The following NDUFAF6 variants were observed in gnomAD, a reference collection of about 807,000 sequenced individuals.
NDUFAF6 encodes NADH:ubiquinone oxidoreductase complex assembly factor 6, also known as NADH dehydrogenase (ubiquinone) complex I, assembly factor 6.
Under a neutral mutation model 40.8 loss-of-function variants are expected in NDUFAF6, and 45 were observed. The ratio of observed to expected loss-of-function variants is 1.10; its 90% CI spans 0.87 to 1.42. The LOEUF (loss-of-function observed/expected upper bound fraction) is 1.42. Among genes scored for constraint, NDUFAF6 ranks in the 40% most tolerant of loss-of-function variants. The probability of loss-of-function intolerance (pLI) is 0.00; values close to 1 mark genes in which losing one functional copy is unlikely to be tolerated. For synonymous variants in NDUFAF6, 185 were observed against 155.9 expected (o/e 1.19, Z -1.39); for missense variants, 435 against 418.5 (o/e 1.04, Z -0.34).
intron 2 of NDUFAF6, among the ~76,000 whole-genome samples, chr8:94,985,878 C>CTT (rs781261737): frequency 3.7e-5 from 5 of 136,464 alleles, no homozygotes; most frequent in African/African-American, 1.3e-4. Context: ...TTCTTCCTTT[C>CTT]TTTTTTTTTT....
chr8:94,902,693 C>CTTTTTT (rs35185664), intron 1 of NDUFAF6, among the ~76,000 whole-genome samples: 3 of 121,520 alleles, frequency 2.5e-5, no homozygotes, highest in Admixed American at 8.9e-5. Flanking sequence ...TGTGGACATA[C>CTTTTTT]TTTTTTTTTT....
intron 1 of NDUFAF6, among the ~76,000 whole-genome samples, chr8:94,976,248 G>T (rs1379170996): frequency 6.6e-6 from 1 of 150,640 alleles, no homozygotes; most frequent in Non-Finnish European, 1.5e-5. Flanking sequence ...GCTCACGCCT[G>T]TAATCCCGGC....
chr8:95,012,667 T>TAAATAAATAAATAAATAAACAAAC (rs753278652), intron 2 of NDUFAF6, among the ~76,000 whole-genome samples: 14 of 150,432 alleles, frequency 9.3e-5, no homozygotes, highest in Non-Finnish European at 8.9e-5. Flanking sequence ...AATAAATAAA[T>TAAATAAATAAATAAATAAACAAAC]AAACAAATAA....
At chr8:95,019,153 G>C (rs1827589678) in intron 2 of NDUFAF6, among the ~76,000 whole-genome samples, 1 of 152,182 alleles carries the variant, frequency 6.6e-6, no homozygotes, top group African/African-American at 2.4e-5. Context: ...TGGGACTACA[G>C]GTTTGCGCCA....
chr8:95,047,503 CTT>C (rs1830911589), intron 6 of NDUFAF6, among the ~76,000 whole-genome samples: 1 of 140,122 alleles, frequency 7.1e-6, no homozygotes, highest in African/African-American at 2.6e-5. Context: ...GTTTTCTTTT[CTT>C]TTCTTTTTTT....
chr8:95,015,115 T>C (rs1827386442), intron 2 of NDUFAF6, among the ~76,000 whole-genome samples: 1 of 152,174 alleles, frequency 6.6e-6, no homozygotes, highest in African/African-American at 2.4e-5. Flanking sequence ...GATGAGCATT[T>C]ACCAAAAGAA....
intron 2 of NDUFAF6, among the ~76,000 whole-genome samples, chr8:95,035,141 A>T (rs890014137): frequency 6.6e-6 from 1 of 152,122 alleles, no homozygotes; most frequent in African/African-American, 2.4e-5. Context: ...TTGGCCTCCC[A>T]AAGTTTAAGG....
At chr8:94,937,786 C>G (rs1022309642) in intron 1 of NDUFAF6, among the ~76,000 whole-genome samples, 1 of 152,088 alleles carries the variant, frequency 6.6e-6, no homozygotes, top group Non-Finnish European at 1.5e-5. Context: ...TGGGGGTTAC[C>G]TAGACCCCAT....
intron 2 of NDUFAF6, among the ~76,000 whole-genome samples, chr8:95,015,910 G>A (rs1827425510): frequency 6.6e-6 from 1 of 152,200 alleles, no homozygotes; most frequent in Non-Finnish European, 1.5e-5. Context: ...GATCAAGAAT[G>A]AGAAAGAGAG....
At chr8:95,050,703 G>A (rs1255144032) in intron 7 of NDUFAF6, among the ~76,000 whole-genome samples, 1 of 152,198 alleles carries the variant, frequency 6.6e-6, no homozygotes, top group African/African-American at 2.4e-5. Flanking sequence ...AGTGTTTGAT[G>A]AGAGTTTAGA....
At chr8:94,911,870 G>A (rs1012925417) in intron 1 of NDUFAF6, among the ~76,000 whole-genome samples, 2 of 152,216 alleles carry the variant, frequency 1.3e-5, no homozygotes, top group Admixed American at 6.5e-5. Context: ...GGTTTGAGCT[G>A]AGGGGTCTGT....
chr8:95,069,517 C>T (rs1185562251), intron 9 of NDUFAF6, among the ~76,000 whole-genome samples: 4 of 151,520 alleles, frequency 2.6e-5, no homozygotes, highest in South Asian at 2.1e-4. Context: ...TGGTGGCTCA[C>T]GCCTGTAATC....
chr8:95,049,198 G>A (rs911686603), intron 7 of NDUFAF6, among the ~76,000 whole-genome samples: 4 of 152,002 alleles, frequency 2.6e-5, no homozygotes, highest in Admixed American at 1.3e-4. Context: ...TTTACAACTC[G>A]TTTTCCTGAA....
At chr8:95,019,836 A>G (rs1270436742) in intron 2 of NDUFAF6, among the ~76,000 whole-genome samples, 1 of 152,238 alleles carries the variant, frequency 6.6e-6, no homozygotes. Flanking sequence ...TAAATGCTCA[A>G]AAACTATTGA....
At chr8:94,927,475 A>G (rs1289471560) in intron 1 of NDUFAF6, 1 of 152,226 alleles carries the variant, frequency 6.6e-6, no homozygotes, top group African/African-American at 2.4e-5. Flanking sequence ...GATTGGAAAA[A>G]TGTATAGGAA....
At chr8:94,896,641 C>G (rs912366226) in intron 1 of NDUFAF6, 4 of 151,996 alleles carry the variant, frequency 2.6e-5, no homozygotes, top group African/African-American at 7.2e-5. Context: ...GCGAGCCGGA[C>G]GGCGAGCGGG....
chr8:94,969,974 G>C (rs1476182593), intron 1 of NDUFAF6, among the ~76,000 whole-genome samples: 1 of 152,054 alleles, frequency 6.6e-6, no homozygotes, highest in Non-Finnish European at 1.5e-5. Context: ...ACCTTAAGAT[G>C]GGCTGGGCAC....
intron 1 of NDUFAF6, among the ~76,000 whole-genome samples, chr8:94,964,958 A>G (rs1403782324): frequency 6.6e-6 from 1 of 152,176 alleles, no homozygotes; most frequent in Admixed American, 6.5e-5. Flanking sequence ...TCCTCTTCTC[A>G]GGTCCAGCAT....
At chr8:94,946,714 A>AAAAAAAAAAAAAAAAAAAC (rs1822045555) in intron 2 of NDUFAF6, among the ~76,000 whole-genome samples, 1 of 148,868 alleles carries the variant, frequency 6.7e-6, no homozygotes, top group Non-Finnish European at 1.5e-5. Context: ...AAAAAAAAAA[A>AAAAAAAAAAAAAAAAAAAC]AAAAAAGACA....
Sources: gnomAD v4.1 joint callset for allele counts (sites outside exome capture counted in the v4.1 genomes callset) on GRCh38, gnomAD v4.1.1 for gene constraint, MANE v1.5 for transcripts, NCBI Gene and HGNC (gene_info 2026-07-23, HGNC 2026-07-21) for gene names.